Variants in PDE8B observed in about 807,000 individuals in gnomAD.
PDE8B encodes phosphodiesterase 8B.
A neutral mutation model predicts 101.3 loss-of-function variants in PDE8B; 26 were observed. That is an observed-to-expected ratio of 0.26 (90% CI 0.19 to 0.36). The LOEUF (loss-of-function observed/expected upper bound fraction) is 0.36. PDE8B is among the 10% of genes least tolerant of loss of function. PDE8B has a pLI of 1.00. For synonymous variants in PDE8B, 424 were observed against 429.3 expected (o/e 0.99, Z 0.15); for missense variants, 810 against 1,163.1 (o/e 0.70, Z 4.42).
intron 1 of PDE8B, among the ~76,000 whole-genome samples, chr5:77,223,195 T>C (rs1177847835): frequency 6.6e-6 from 1 of 152,166 alleles, no homozygotes; most frequent in Non-Finnish European, 1.5e-5. Context: ...GTACTCAATA[T>C]AAAATTTGTT....
the PDE8B span, among the ~76,000 whole-genome samples, chr5:77,180,868 G>T: frequency 1.3e-5 from 2 of 152,186 alleles, no homozygotes; most frequent in Admixed American, 6.5e-5. Flanking sequence ...GCGCGGGACG[G>T]TGGGGCCCCT....
the PDE8B span, among the ~76,000 whole-genome samples, chr5:77,126,055 G>C: frequency 6.6e-6 from 1 of 152,166 alleles, no homozygotes; most frequent in African/African-American, 2.4e-5. Context: ...GGGAGGCTGA[G>C]GTGGGCGGAT....
the PDE8B span, among the ~76,000 whole-genome samples, chr5:77,116,224 ATTTT>A: frequency 5.5e-3 from 325 of 59,508 alleles, no homozygotes; most frequent in Non-Finnish European, 6.3e-3. Context: ...ATATATATAT[ATTTT>A]TTTTTTTTTT....
At chr5:77,161,448 C>A in the PDE8B span, among the ~76,000 whole-genome samples, 4 of 152,026 alleles carry the variant, frequency 2.6e-5, no homozygotes, top group African/African-American at 9.7e-5. Context: ...ATTTGATTAT[C>A]CATTCACCTA....
intron 1 of PDE8B, among the ~76,000 whole-genome samples, chr5:77,220,302 C>T (rs767429553): frequency 5.3e-5 from 8 of 152,188 alleles, no homozygotes; most frequent in Non-Finnish European, 1.2e-4. Flanking sequence ...TTGGGAGGAA[C>T]AGGTGAGGGC....
intron 1 of PDE8B, among the ~76,000 whole-genome samples, chr5:77,278,671 G>A (rs1347674594): frequency 6.6e-6 from 1 of 152,034 alleles, no homozygotes; most frequent in African/African-American, 2.4e-5. Context: ...GGGTTTCACT[G>A]TGTTAGCCAG....
At chr5:77,149,305 G>A in the PDE8B span, among the ~76,000 whole-genome samples, 141 of 152,284 alleles carry the variant, frequency 9.3e-4, no homozygotes, top group African/African-American at 3.2e-3. Flanking sequence ...GGTGATAGAA[G>A]TCTTTCAATT....
intron 13 of PDE8B, among the ~76,000 whole-genome samples, chr5:77,408,021 CAG>C (rs1417730968): frequency 1.3e-5 from 2 of 152,034 alleles, no homozygotes; most frequent in African/African-American, 4.8e-5. Flanking sequence ...GTGATGTGAC[CAG>C]ATATGTTTGT....
intron 1 of PDE8B, among the ~76,000 whole-genome samples, chr5:77,238,834 A>G (rs921201200): frequency 6.6e-6 from 1 of 152,224 alleles, no homozygotes; most frequent in Admixed American, 6.5e-5. Flanking sequence ...GCAAGAGAAG[A>G]TGAATGTGCC....
At chr5:77,406,008 C>G (rs1793353309) in intron 12 of PDE8B, among the ~76,000 whole-genome samples, 1 of 151,986 alleles carries the variant, frequency 6.6e-6, no homozygotes, top group Non-Finnish European at 1.5e-5. Context: ...TGACATAGGC[C>G]AGGTGCGATG....
intron 10 of PDE8B, among the ~76,000 whole-genome samples, chr5:77,358,145 C>T (rs1458485099): frequency 6.6e-6 from 1 of 152,230 alleles, no homozygotes; most frequent in South Asian, 2.1e-4. Context: ...TTAGCACTAA[C>T]AGAGTCTAAT....
intron 10 of PDE8B, among the ~76,000 whole-genome samples, chr5:77,397,120 C>T (rs541501906): frequency 1.8e-4 from 26 of 142,958 alleles, no homozygotes; most frequent in Middle Eastern, 4.4e-3. Flanking sequence ...GTAACCTCTG[C>T]CTCCTGGGTT....
the PDE8B span, among the ~76,000 whole-genome samples, chr5:77,094,550 C>T: frequency 6.6e-6 from 1 of 152,182 alleles, no homozygotes; most frequent in Non-Finnish European, 1.5e-5. Flanking sequence ...AAGTGATCCT[C>T]TCATTTTGGC....
At chr5:77,161,338 G>C in the PDE8B span, among the ~76,000 whole-genome samples, 1 of 152,064 alleles carries the variant, frequency 6.6e-6, no homozygotes, top group Non-Finnish European at 1.5e-5. Flanking sequence ...GCTCACCCAT[G>C]CTGTCGTATT....
the PDE8B span, chr5:77,112,593 A>T: frequency 6.6e-6 from 1 of 152,230 alleles, no homozygotes; most frequent in Non-Finnish European, 1.5e-5. Context: ...AACTGGAAGC[A>T]TTCTCTTTGA....
chr5:77,230,491 G>T (rs1162186709), intron 1 of PDE8B, among the ~76,000 whole-genome samples: 1 of 152,118 alleles, frequency 6.6e-6, no homozygotes, highest in African/African-American at 2.4e-5. Context: ...TTTTGAGATG[G>T]AATCTCTCTC....
At chr5:77,408,647 A>T (rs2151070676) in intron 13 of PDE8B, among the ~76,000 whole-genome samples, 1 of 152,240 alleles carries the variant, frequency 6.6e-6, no homozygotes, top group East Asian at 1.9e-4. Flanking sequence ...TCTGTAGAGG[A>T]GGGCCAGGGG....
At chr5:77,415,515 G>A (rs1245658559) in intron 17 of PDE8B, among the ~76,000 whole-genome samples, 1 of 151,938 alleles carries the variant, frequency 6.6e-6, no homozygotes, top group East Asian at 1.9e-4. Flanking sequence ...ATGCCACCAA[G>A]CCCAGGCTAA....
At chr5:77,263,143 G>T (rs577926127) in intron 1 of PDE8B, among the ~76,000 whole-genome samples, 1 of 152,318 alleles carries the variant, frequency 6.6e-6, no homozygotes, top group East Asian at 1.9e-4. Flanking sequence ...ATGATCAGTG[G>T]ATCATACAGA....
Sources: allele counts gnomAD v4.1 joint callset (sites outside exome capture counted in the v4.1 genomes callset), GRCh38; gene constraint gnomAD v4.1.1; transcripts MANE v1.5; gene names NCBI Gene and HGNC (gene_info 2026-07-23, HGNC 2026-07-21).